Variants in GATB observed in about 807,000 individuals in gnomAD.
GATB encodes the protein glutamyl-tRNA(Gln) amidotransferase subunit B, mitochondrial.
GATB carries 39 observed loss-of-function variants against 62.3 expected under a neutral mutation model. The observed-to-expected ratio is 0.63, with a 90% confidence interval of 0.48 to 0.82. The LOEUF is 0.82. Ranked by LOEUF, GATB falls within the 40% of genes least tolerant of loss-of-function variation. The pLI is 0.00. For missense variants in GATB, 670 were observed against 684.0 expected (o/e 0.98, Z 0.23); for synonymous variants, 276 against 258.9 (o/e 1.07, Z -0.63).
At chr4:151,738,847 GGT>G (rs1739429222) in intron 2 of GATB, among the ~76,000 whole-genome samples, 2 of 152,164 alleles carry the variant, frequency 1.3e-5, no homozygotes, top group Non-Finnish European at 2.9e-5. Flanking sequence ...AGTGTAATCT[GGT>G]GCTTATACTA....
At chr4:151,711,657 T>C (rs532118440) in intron 5 of GATB, among the ~76,000 whole-genome samples, 1 of 152,366 alleles carries the variant, frequency 6.6e-6, no homozygotes, top group Admixed American at 6.5e-5. Context: ...TGGCACCCCA[T>C]TTATTTCCTT....
intron 2 of GATB, among the ~76,000 whole-genome samples, chr4:151,744,966 A>T (rs1232326727): frequency 1.3e-5 from 2 of 152,246 alleles, no homozygotes; most frequent in African/African-American, 4.8e-5. Flanking sequence ...TAGGGTGACA[A>T]GGGTCACTAT....
chr4:151,747,507 A>G (rs951068783), intron 2 of GATB, among the ~76,000 whole-genome samples: 1 of 152,238 alleles, frequency 6.6e-6, no homozygotes, highest in African/African-American at 2.4e-5. Context: ...GGTTCATTCA[A>G]TAAAACCCAA....
At chr4:151,718,036 C>G (rs1738948475) in intron 3 of GATB, among the ~76,000 whole-genome samples, 1 of 152,178 alleles carries the variant, frequency 6.6e-6, no homozygotes, top group Non-Finnish European at 1.5e-5. Flanking sequence ...TGGCAGGCCC[C>G]CAGTTTAAGA....
At chr4:151,703,019 C>T (rs757172137) in intron 8 of GATB, among the ~76,000 whole-genome samples, 8 of 152,088 alleles carry the variant, frequency 5.3e-5, no homozygotes, top group East Asian at 1.9e-4. Context: ...CAGGGGAAGG[C>T]GCACCAACAG....
At chr4:151,745,556 A>C (rs528965398) in intron 2 of GATB, among the ~76,000 whole-genome samples, 2 of 152,350 alleles carry the variant, frequency 1.3e-5, no homozygotes, top group South Asian at 4.1e-4. Context: ...TTCTTCAGGG[A>C]GGCAAGACCC....
chr4:151,719,313 T>C (rs1222300115), intron 3 of GATB, 112 bp downstream of exon 3: 11 of 744,198 alleles, frequency 1.5e-5, no homozygotes, highest in Non-Finnish European at 2.3e-5. Context: ...ATGGACACAG[T>C]GCTGGCTGAA....
At position 151,702,702 on chromosome 4, in the gene GATB, C is replaced by T. The variant is rs149703703; in HGVS notation, c.1007+1149G>A. Among the ~76,000 whole-genome samples, 357 of 152,312 alleles carry T rather than the reference C, an allele frequency of 2.3e-3. 2 individuals carry two copies. The highest frequency in any genetic ancestry group is 7.8e-3 in the African/African-American group (324 of 41,566). On this transcript the variant is annotated intron_variant, in intron 8 of 12. Transcript: ENST00000263985. The stretch of plus-strand genomic sequence containing the variant: ...TTAATTTTTTTAAGTGTCAAAGCTG[C>T]ACCATTGCATGTAATCTTATGAAAC...
At chr4:151,732,292 G>A (rs1739283895) in intron 2 of GATB, among the ~76,000 whole-genome samples, 1 of 152,200 alleles carries the variant, frequency 6.6e-6, no homozygotes, top group Non-Finnish European at 1.5e-5. Context: ...GGGGAAAGGT[G>A]GGGAAAAGAT....
intron 11 of GATB, among the ~76,000 whole-genome samples, chr4:151,676,983 T>C (rs1432692354): frequency 1.3e-5 from 2 of 152,190 alleles, no homozygotes; most frequent in Admixed American, 1.3e-4. Flanking sequence ...GGAGGTTCTT[T>C]GGAATTCGGA....
In GATB at chr4:151,730,263, GCA is replaced by G. The variant is rs1739217090; in HGVS notation, c.328-10727_328-10726del. 6.6e-6 allele frequency among the ~76,000 whole-genome samples: 1 copy of G among 152,102 alleles called. No individual in the cohort carries two copies. Among genetic ancestry groups the G allele is most frequent in the South Asian group, 2.1e-4 (1 of 4,818 alleles). On this transcript the variant is annotated intron_variant, in intron 2 of 12. Transcript: ENST00000263985. The surrounding 1 kb of genome is among the most constrained non-coding windows in gnomAD (Gnocchi z 4.1). ...CTCATCCCCATCATCCACAGCAGCC[GCA>G]GCAAGACCCGCCCAAGGAGAGTCTG...
At chr4:151,698,636 G>A (rs994673642) in intron 9 of GATB, among the ~76,000 whole-genome samples, 1 of 152,138 alleles carries the variant, frequency 6.6e-6, no homozygotes, top group East Asian at 1.9e-4. Context: ...GAGTAACGCC[G>A]CTTCCAATGA....
chr4:151,717,274 C>T (rs1738933008), intron 3 of GATB, 200 bp from the exon 4 acceptor site: 3 of 580,166 alleles, frequency 5.2e-6, no homozygotes, highest in Admixed American at 3.0e-5. Context: ...CTGCCATCAC[C>T]CCTTCACCCT....
chr4:151,679,846 G>A lies in GATB; in HGVS notation c.1377C>T (p.Asp459=). Residue 459 remains aspartate, a synonymous_variant, in exon 11 of 13, where the codon GAC becomes GAT. Transcript: ENST00000263985. ...CTGCTGATGAAGAAATTGTTCTGCT[G>A]TCCAGCAGGTCAAGAAGCTCAGCGA... ...SALAELLDLL[D]SRTISSSAAK... 1 of 1,614,150 alleles carries A rather than the reference G, an allele frequency of 6.2e-7. No individual in the cohort carries two copies. The highest frequency in any genetic ancestry group is 8.5e-7 in the Non-Finnish European group (1 of 1,180,016).
At chr4:151,680,515 A>G (rs1738117973) in intron 10 of GATB, among the ~76,000 whole-genome samples, 1 of 152,320 alleles carries the variant, frequency 6.6e-6, no homozygotes, top group East Asian at 1.9e-4. Context: ...TTATTTGCCA[A>G]TATCCCATGA....
intron 3 of GATB, among the ~76,000 whole-genome samples, chr4:151,718,226 G>C (rs187208539): frequency 6.6e-6 from 1 of 152,246 alleles, no homozygotes; most frequent in East Asian, 1.9e-4. Flanking sequence ...CCTGCAAAAG[G>C]CTAACCCGTT....
At chr4:151,728,251 G>A (rs1452829518) in intron 2 of GATB, among the ~76,000 whole-genome samples, 1 of 152,130 alleles carries the variant, frequency 6.6e-6, no homozygotes, top group Non-Finnish European at 1.5e-5. Context: ...CCAGTTAACT[G>A]AGCCAATTTT....
intron 2 of GATB, among the ~76,000 whole-genome samples, chr4:151,753,886 T>C (rs745442704): frequency 1.4e-4 from 21 of 152,230 alleles, no homozygotes; most frequent in Non-Finnish European, 2.5e-4. Context: ...TAAAACTTTT[T>C]GAAACAGTTG....
rs566944258 is a variant in GATB at position 151,683,483 on chromosome 4, G to A, written c.1332-3592C>T. 3.3e-5 allele frequency among the ~76,000 whole-genome samples: 5 copies of A among 152,262 alleles called. No homozygotes were observed. The South Asian group carries it at 1.0e-3, about 32-fold the overall frequency. On this transcript the variant is annotated intron_variant, in intron 10 of 12. Transcript: ENST00000263985. ...TGCCAGGTGGCTCCGGTGTCCTCTTGCTGGGTCCTCTGACTTGACCCCTAG... is the reference window on the plus strand; with the variant it reads ...TGCCAGGTGGCTCCGGTGTCCTCTTACTGGGTCCTCTGACTTGACCCCTAG...
Sources: allele counts gnomAD v4.1 joint callset (sites outside exome capture counted in the v4.1 genomes callset), GRCh38; gene constraint gnomAD v4.1.1; non-coding constraint Gnocchi (gnomAD v3.1); transcripts MANE v1.5; gene names NCBI Gene and HGNC (gene_info 2026-07-23, HGNC 2026-07-21).